SLC9A4: variants seen among roughly 807,000 people sequenced by gnomAD.
The protein encoded by SLC9A4 is sodium/hydrogen exchanger 4.
A neutral mutation model predicts 67.4 loss-of-function variants in SLC9A4; 63 were observed. The ratio of observed to expected loss-of-function variants is 0.93; its 90% CI spans 0.76 to 1.15. The LOEUF is 1.15. Among genes scored for constraint, SLC9A4 ranks in the 50% most tolerant of loss-of-function variants. The pLI is 0.00. For synonymous variants in SLC9A4, 393 were observed against 367.2 expected (o/e 1.07, Z -0.80); for missense variants, 1,089 against 987.7 (o/e 1.10, Z -1.38).
At chr2:102,511,006 C>T (rs1685154699) in intron 6 of SLC9A4, among the ~76,000 whole-genome samples, 1 of 152,198 alleles carries the variant, frequency 6.6e-6, no homozygotes, top group African/African-American at 2.4e-5. Flanking sequence ...GATTGGCACA[C>T]CCGAAGCTGA....
intron 2 of SLC9A4, among the ~76,000 whole-genome samples, chr2:102,498,793 G>C (rs1303276389): frequency 6.6e-6 from 1 of 152,098 alleles, no homozygotes; most frequent in Non-Finnish European, 1.5e-5. Flanking sequence ...TTAAAGCATG[G>C]CTTCAGTTTG....
chr2:102,480,905 C>T (rs1420917698), intron 2 of SLC9A4, among the ~76,000 whole-genome samples: 8 of 152,106 alleles, frequency 5.3e-5, no homozygotes, highest in East Asian at 3.9e-4. Flanking sequence ...CGCTTGGGAA[C>T]GGAATGAACA....
rs1038745803 is a variant in SLC9A4 at position 102,503,532 on chromosome 2, C to T, written c.805C>T (p.Arg269Ter). ...TGTCGACATTTTGGCTGGATGTGCC[C>T]GATTCATCGTTGTGGGGCTTGGAGG... is the stretch of plus-strand genomic sequence containing the variant. ...ETVDILAGCA[R>*]FIVVGLGGVL... Residue 269 changes from arginine to a stop codon, truncating the protein, a stop_gained, in exon 3 of 12, where the codon CGA (arginine) becomes TGA (stop). Coordinates refer to ENST00000295269, the MANE Select transcript of SLC9A4 (RefSeq NM_001011552.4). LOFTEE classifies it high-confidence loss of function. The T allele has an allele frequency of 1.5e-5, 25 of 1,613,898 alleles. No individual in the cohort carries two copies. Among genetic ancestry groups the T allele is most frequent in the Non-Finnish European group, 1.9e-5 (23 of 1,180,018 alleles).
intron 4 of SLC9A4, among the ~76,000 whole-genome samples, chr2:102,506,946 C>T (rs560161327): frequency 7.2e-5 from 11 of 152,274 alleles, no homozygotes; most frequent in South Asian, 4.2e-4. Context: ...CCGGTTCTCC[C>T]GCTCATAGCC....
intron 6 of SLC9A4, among the ~76,000 whole-genome samples, chr2:102,511,843 T>A (rs996832277): frequency 1.3e-5 from 2 of 151,730 alleles, no homozygotes; most frequent in African/African-American, 4.8e-5. Flanking sequence ...TTTAATAATA[T>A]CTTAAATATG....
intron 2 of SLC9A4, among the ~76,000 whole-genome samples, chr2:102,491,821 C>T (rs1300010913): frequency 6.6e-6 from 1 of 152,204 alleles, no homozygotes; most frequent in African/African-American, 2.4e-5. Context: ...TCCAAAGTCT[C>T]ATCTCAGACA....
In SLC9A4 at chr2:102,525,165, G is replaced by C; in HGVS notation, c.1950+10G>C. On this transcript the variant is annotated intron_variant, in intron 10 of 11. Coordinates refer to ENST00000295269, the MANE Select transcript of SLC9A4 (RefSeq NM_001011552.4). ...GCCCTGGGGAAAGCCGGTACATTGG[G>C]GCTGGGGACTGGGACATTCCTTCAG... The C allele has an allele frequency of 6.2e-7, 1 of 1,613,850 alleles. No homozygotes were observed. Among genetic ancestry groups the C allele is most frequent in the African/African-American group, 1.3e-5 (1 of 75,026 alleles).
intron 2 of SLC9A4, among the ~76,000 whole-genome samples, chr2:102,498,972 A>AG (rs1021752251): frequency 6.6e-6 from 1 of 152,190 alleles, no homozygotes; most frequent in African/African-American, 2.4e-5. Context: ...GAAGAAGCCC[A>AG]GGGGGATGGG....
At chr2:102,493,916 C>G (rs1403548) in intron 2 of SLC9A4, among the ~76,000 whole-genome samples, 1 of 151,646 alleles carries the variant, frequency 6.6e-6, no homozygotes, top group Non-Finnish European at 1.5e-5. Flanking sequence ...AGTCTATAGA[C>G]AGACTTCTTG....
At position 102,514,117 on chromosome 2, in the gene SLC9A4, A is replaced by G; in HGVS notation, c.1587A>G (p.Leu529=). The stretch of plus-strand genomic sequence containing the variant: ...TTAAGAAGTTTGATCATAGATACTT[A>G]CGGAAAATCCTCATCAGAAAGAACC... ...DKFKKFDHRY[L]RKILIRKNLP... Residue 529 remains leucine (L), a synonymous_variant, in exon 8 of 12, where the codon TTA becomes TTG. Coordinates refer to ENST00000295269, the MANE Select transcript of SLC9A4 (RefSeq NM_001011552.4). The G allele has an allele frequency of 1.2e-6, 2 of 1,613,164 alleles. No individual in the cohort carries two copies. Among genetic ancestry groups the G allele is most frequent in the South Asian group, 1.1e-5 (1 of 90,740 alleles).
chr2:102,530,322 A>C (rs1453918438), intron 11 of SLC9A4, among the ~76,000 whole-genome samples: 2 of 152,160 alleles, frequency 1.3e-5, no homozygotes. Context: ...AAAAGAACAC[A>C]TACTCAGATT....
chr2:102,480,353 G>A (rs1036205169), intron 2 of SLC9A4, among the ~76,000 whole-genome samples: 4 of 149,166 alleles, frequency 2.7e-5, no homozygotes, highest in South Asian at 2.1e-4. Flanking sequence ...AAGTCTTTCC[G>A]TGTCTTGTTT....
chr2:102,473,749 A>G lies in SLC9A4; in HGVS notation c.-11A>G. On this transcript the variant is annotated 5_prime_UTR_variant, in exon 1 of 12. Transcript: ENST00000295269. ...TCCACACAGGGGTGTAGGTAGGAGA[A>G]GCCCACAGGAATGGCTCTGCAGATG... The G allele has an allele frequency of 6.2e-7, 1 of 1,613,260 alleles. No homozygotes were observed. Among genetic ancestry groups the G allele is most frequent in the Non-Finnish European group, 8.5e-7 (1 of 1,179,678 alleles).
intron 9 of SLC9A4, among the ~76,000 whole-genome samples, chr2:102,522,737 AT>A (rs1184451407): frequency 6.6e-6 from 1 of 152,120 alleles, no homozygotes; most frequent in Non-Finnish European, 1.5e-5. Flanking sequence ...TCATGTTACC[AT>A]TTTTTAATAT....
chr2:102,476,714 T>C (rs1016202657), intron 1 of SLC9A4, among the ~76,000 whole-genome samples: 4 of 144,460 alleles, frequency 2.8e-5, no homozygotes, highest in African/African-American at 7.8e-5. Context: ...AAGGAGGAGA[T>C]GGATAAGGAG....
chr2:102,532,251 T>C (rs565595994), intron 11 of SLC9A4, 79 bp from the exon 12 acceptor site: 12 of 1,452,316 alleles, frequency 8.3e-6, no homozygotes, highest in Non-Finnish European at 1.1e-5. Flanking sequence ...TCACTCTGAG[T>C]TCCTGCCATG....
In SLC9A4 at chr2:102,473,456, T is replaced by C. The variant is rs903058543; in HGVS notation, c.-304T>C. Reference sequence around the variant, plus strand: ...AGTGAAGAGATTTTTATTTCTTTCATAAATTGCTCAAGCCATGATTGGATG... The same window carrying C: ...AGTGAAGAGATTTTTATTTCTTTCACAAATTGCTCAAGCCATGATTGGATG... On this transcript the variant is annotated 5_prime_UTR_variant, in exon 1 of 12. Transcript: ENST00000295269. 3 of 360,648 alleles carry C rather than the reference T, an allele frequency of 8.3e-6. No individual in the cohort carries two copies. The highest frequency in any genetic ancestry group is 8.7e-5 in the Admixed American group (2 of 22,972). The allele number at this position is 360,648 out of a possible 1,614,324, so 22.3% of individuals were successfully genotyped here.
chr2:102,511,438 A>G (rs1419447011), intron 6 of SLC9A4, among the ~76,000 whole-genome samples: 13 of 152,118 alleles, frequency 8.5e-5, no homozygotes. Context: ...TCTTTTCCTC[A>G]AAAAAGTTAT....
At position 102,532,918 on chromosome 2, in the gene SLC9A4, G is replaced by A. The variant is rs1371318275; in HGVS notation, c.*230G>A. The A allele has an allele frequency of 4.5e-6, 2 of 447,046 alleles. No homozygotes were observed. The highest frequency in any genetic ancestry group is 8.0e-6 in the Non-Finnish European group (2 of 249,928). The allele number at this position is 447,046 out of a possible 1,614,324, so 27.7% of individuals were successfully genotyped here. Reference sequence around the variant, plus strand: ...CTTTAGATGAATTCCCTGTGAGTGAGAGAAGTTGATCACCCCAGGAATTAG... The same window carrying A: ...CTTTAGATGAATTCCCTGTGAGTGAAAGAAGTTGATCACCCCAGGAATTAG... On this transcript the variant is annotated 3_prime_UTR_variant, in exon 12 of 12. Transcript: ENST00000295269.
Sources: allele counts gnomAD v4.1 joint callset (sites outside exome capture counted in the v4.1 genomes callset), GRCh38; gene constraint gnomAD v4.1.1; transcripts MANE v1.5; gene names NCBI Gene and HGNC (gene_info 2026-07-23, HGNC 2026-07-21).